The following NAALADL2 variants were observed in gnomAD, a reference collection of about 807,000 sequenced individuals.
NAALADL2 encodes N-acetylated alpha-linked acidic dipeptidase like 2.
Under a neutral mutation model 87.2 loss-of-function variants are expected in NAALADL2, and 76 were observed. The observed-to-expected ratio is 0.87, with a 90% CI of 0.72 to 1.05. NAALADL2 has a LOEUF of 1.05. Ranked by LOEUF, NAALADL2 falls within the 50% of genes least tolerant of loss-of-function variation. The pLI, the probability that NAALADL2 is intolerant of heterozygous loss-of-function variation, is 0.00. For missense variants in NAALADL2, 1,089 were observed against 945.8 expected (o/e 1.15, Z -1.99); for synonymous variants, 354 against 331.0 (o/e 1.07, Z -0.75).
chr3:174,921,839 G>T (rs1454238270), intron 1 of NAALADL2, among the ~76,000 whole-genome samples: 1 of 132,686 alleles, frequency 7.5e-6, no homozygotes, highest in South Asian at 2.3e-4. Context: ...AAAAAGAAAA[G>T]AAAAAAATCT....
intron 1 of NAALADL2, among the ~76,000 whole-genome samples, chr3:175,073,061 T>G (rs1715951143): frequency 6.6e-6 from 1 of 152,172 alleles, no homozygotes; most frequent in East Asian, 1.9e-4. Flanking sequence ...ATTCATACTG[T>G]TTAGAGTGTG....
At chr3:174,838,021 GAA>G (rs77681462) in intron 3 of NAALADL2, among the ~76,000 whole-genome samples, 23 of 71,994 alleles carry the variant, frequency 3.2e-4, no homozygotes, top group East Asian at 9.5e-4. Context: ...AACCAAAAAA[GAA>G]AAAAAAAAAA....
intron 2 of NAALADL2, among the ~76,000 whole-genome samples, chr3:174,584,398 G>C (rs970137965): frequency 1.3e-5 from 2 of 152,074 alleles, no homozygotes; most frequent in Non-Finnish European, 2.9e-5. Context: ...CCTTCTACAA[G>C]TGAAATCCCA....
chr3:175,306,111 A>G (rs558305779), intron 4 of NAALADL2, among the ~76,000 whole-genome samples: 1 of 152,040 alleles, frequency 6.6e-6, no homozygotes, highest in East Asian at 1.9e-4. Context: ...AGCTTACTCA[A>G]TGTTCATTAA....
Position 175,339,736 on chromosome 3 carries a change from T to C in NAALADL2, c.1090+15411T>C, listed in dbSNP as rs112183255. Among the ~76,000 whole-genome samples, 1,313 of 152,312 alleles carry C rather than the reference T, an allele frequency of 8.6e-3. 16 individuals are homozygous for C. The highest frequency in any genetic ancestry group is 0.03 in the African/African-American group (1,258 of 41,576). ...AATTTCAGAGGACTCATGGATACCC[T>C]AGACAAAATATCTTTTGATATACCC... On this transcript the variant is annotated intron_variant, in intron 5 of 13. Coordinates refer to ENST00000454872, the MANE Select transcript of NAALADL2 (RefSeq NM_207015.3).
At chr3:175,668,602 T>C (rs907486147) in intron 11 of NAALADL2, among the ~76,000 whole-genome samples, 3 of 152,166 alleles carry the variant, frequency 2.0e-5, no homozygotes, top group Non-Finnish European at 4.4e-5. Flanking sequence ...TGGTAGTTTA[T>C]ATTAAGTTTG....
chr3:175,162,612 T>C lies in NAALADL2; in HGVS notation c.545+65321T>C, dbSNP rs555276784. 2.0e-5 allele frequency among the ~76,000 whole-genome samples: 3 copies of C among 152,236 alleles called. No individual in the cohort carries two copies. In the South Asian group the frequency reaches 6.2e-4, roughly 32 times the overall value. On this transcript the variant is annotated intron_variant, in intron 2 of 13. Transcript: ENST00000454872. ...AGCCTAAAGTTGCACTACATCCTCA[T>C]ACTGTTTGCAAACTCTCTAAATGAT...
chr3:174,993,731 A>G (rs1250288082), intron 1 of NAALADL2, among the ~76,000 whole-genome samples: 2 of 152,194 alleles, frequency 1.3e-5, no homozygotes, highest in African/African-American at 4.8e-5. Flanking sequence ...CAGGATTGTG[A>G]AAACACAGTA....
In NAALADL2 at chr3:175,359,587, T is replaced by G. The variant is rs1581571261; in HGVS notation, c.1090+35262T>G. Among the ~76,000 whole-genome samples, 3 of 152,262 alleles carry G rather than the reference T, an allele frequency of 2.0e-5. No individual in the cohort carries two copies. In the Middle Eastern group the frequency reaches 0.01, roughly 518 times the overall value. ...TCATGAACTGTTTGTTTGTACAAAC[T>G]ATGTGCCTTTAATTTAATAGCTTGA... On this transcript the variant is annotated intron_variant, in intron 5 of 13. Transcript: ENST00000454872.
chr3:174,525,009 G>C (rs1472702923), intron 1 of NAALADL2, among the ~76,000 whole-genome samples: 1 of 152,154 alleles, frequency 6.6e-6, no homozygotes, highest in East Asian at 1.9e-4. Flanking sequence ...ATACTGTATA[G>C]GTTTGTTGCC....
intron 1 of NAALADL2, among the ~76,000 whole-genome samples, chr3:174,939,292 G>GGTGGTTTTGT (rs1738214457): frequency 2.0e-5 from 3 of 151,914 alleles, no homozygotes; most frequent in African/African-American, 7.2e-5. Context: ...GGTTTTATCA[G>GGTGGTTTTGT]CTTTGTCAAA....
chr3:175,110,333 T>C (rs1046227945), intron 2 of NAALADL2, among the ~76,000 whole-genome samples: 4 of 151,856 alleles, frequency 2.6e-5, no homozygotes, highest in Admixed American at 2.6e-4. Context: ...ATGTTAACTT[T>C]TAAAAAATAC....
intron 5 of NAALADL2, among the ~76,000 whole-genome samples, chr3:175,344,514 T>C (rs577304563): frequency 6.6e-6 from 1 of 151,914 alleles, no homozygotes; most frequent in Non-Finnish European, 1.5e-5. Flanking sequence ...TTGCCTTTTA[T>C]GGGTTAATTG....
At chr3:174,978,616 G>A (rs1036371258) in intron 1 of NAALADL2, among the ~76,000 whole-genome samples, 17 of 152,012 alleles carry the variant, frequency 1.1e-4, no homozygotes, top group African/African-American at 2.7e-4. Flanking sequence ...TATGTTTTCC[G>A]AATAATAACA....
intron 5 of NAALADL2, among the ~76,000 whole-genome samples, chr3:175,394,901 T>C (rs1038073233): frequency 2.6e-5 from 4 of 152,340 alleles, no homozygotes; most frequent in African/African-American, 9.6e-5. Context: ...AATTCATTCT[T>C]ACCTCCGATT....
intron 10 of NAALADL2, among the ~76,000 whole-genome samples, chr3:175,607,389 A>G (rs1723911035): frequency 6.6e-6 from 1 of 152,196 alleles, no homozygotes; most frequent in Non-Finnish European, 1.5e-5. Flanking sequence ...CCACTCTGCT[A>G]ACTTTATACA....
intron 4 of NAALADL2, among the ~76,000 whole-genome samples, chr3:175,300,211 G>A (rs775845094): frequency 2.0e-5 from 3 of 151,622 alleles, no homozygotes; most frequent in African/African-American, 4.9e-5. Flanking sequence ...GAGGATTTCC[G>A]CATTGATGTT....
intron 1 of NAALADL2, among the ~76,000 whole-genome samples, chr3:174,445,498 C>G (rs1434005802): frequency 6.6e-6 from 1 of 152,032 alleles, no homozygotes; most frequent in East Asian, 1.9e-4. Context: ...AGGCTTCCTA[C>G]AGTTCAAAAA....
chr3:175,161,835 A>G (rs1733269646), intron 2 of NAALADL2, among the ~76,000 whole-genome samples: 1 of 152,188 alleles, frequency 6.6e-6, no homozygotes, highest in African/African-American at 2.4e-5. Context: ...CTGTCAATCA[A>G]TTATTGCAGT....
Sources: gnomAD v4.1 joint callset for allele counts (sites outside exome capture counted in the v4.1 genomes callset) on GRCh38, gnomAD v4.1.1 for gene constraint, MANE v1.5 for transcripts, NCBI Gene and HGNC (gene_info 2026-07-23, HGNC 2026-07-21) for gene names.